The following EPCIP variants were observed in gnomAD, a reference collection of about 807,000 sequenced individuals.
EPCIP encodes the protein exosomal polycystin-1-interacting protein.
At chr21:32,805,752 C>A in the EPCIP span, among the ~76,000 whole-genome samples, 3 of 152,162 alleles carry the variant, frequency 2.0e-5, no homozygotes, top group Non-Finnish European at 4.4e-5. Flanking sequence ...CCTTGTGGAC[C>A]AAACCAGCCC....
chr21:32,795,204 C>A, the EPCIP span, among the ~76,000 whole-genome samples: 482 of 152,290 alleles, frequency 3.2e-3, 1 homozygote, highest in African/African-American at 0.011. Context: ...TTTGACTTAG[C>A]TACTCTTATG....
the EPCIP span, chr21:32,810,508 G>T: frequency 4.4e-5 from 20 of 453,264 alleles, no homozygotes; most frequent in Non-Finnish European, 8.0e-5. Flanking sequence ...TGATCCGCCC[G>T]CCTCGGCCTC....
the EPCIP span, chr21:32,799,054 C>A: frequency 1.3e-5 from 2 of 152,152 alleles, no homozygotes; most frequent in Admixed American, 6.5e-5. Context: ...ACTCCTGAGT[C>A]GTACACTCAG....
the EPCIP span, among the ~76,000 whole-genome samples, chr21:32,803,491 A>T: frequency 6.2e-4 from 95 of 152,110 alleles, 1 homozygote; most frequent in Non-Finnish European, 1.1e-3. Context: ...TGTTATGTGG[A>T]TGAGATGCCC....
the EPCIP span, among the ~76,000 whole-genome samples, chr21:32,805,483 T>G: frequency 1.1e-4 from 17 of 152,068 alleles, no homozygotes; most frequent in Admixed American, 5.9e-4. Flanking sequence ...TGCCTCAGCC[T>G]CCTGAATAGC....
chr21:32,808,131 C>T, the EPCIP span, among the ~76,000 whole-genome samples: 1 of 152,290 alleles, frequency 6.6e-6, no homozygotes, highest in East Asian at 1.9e-4. Context: ...TGAGAGATTA[C>T]AACAGCCCTT....
chr21:32,794,094 T>G, the EPCIP span: 2 of 1,614,072 alleles, frequency 1.2e-6, no homozygotes, highest in Non-Finnish European at 1.7e-6. Context: ...GGGAGAGTGT[T>G]GGTGCTGCAC....
chr21:32,798,014 T>C, the EPCIP span: 2 of 151,806 alleles, frequency 1.3e-5, no homozygotes, highest in East Asian at 3.9e-4. Context: ...CAAGAAAAAA[T>C]AAATAAATAA....
the EPCIP span, among the ~76,000 whole-genome samples, chr21:32,810,348 C>T: frequency 4.6e-4 from 65 of 142,514 alleles, 1 homozygote; most frequent in African/African-American, 1.6e-3. Flanking sequence ...CTCCGCCTCC[C>T]GGGTTCACGC....
At chr21:32,812,127 TGAGCCAC>T in the EPCIP span, among the ~76,000 whole-genome samples, 3 of 152,162 alleles carry the variant, frequency 2.0e-5, no homozygotes, top group African/African-American at 7.2e-5. Flanking sequence ...TCTCAGAGAG[TGAGCCAC>T]TGGGAAGTCC....
the EPCIP span, chr21:32,793,730 A>G: frequency 1.9e-6 from 3 of 1,606,124 alleles, no homozygotes; most frequent in South Asian, 1.1e-5. Context: ...ATCATTTGCC[A>G]AAGTTCCAGG....
At chr21:32,810,779 C>T in the EPCIP span, 1 of 411,690 alleles carries the variant, frequency 2.4e-6, no homozygotes, top group African/African-American at 2.0e-5. Flanking sequence ...TAGTAGACAT[C>T]TCCAACTTAA....
At chr21:32,805,819 C>T in the EPCIP span, among the ~76,000 whole-genome samples, 2 of 152,260 alleles carry the variant, frequency 1.3e-5, no homozygotes, top group Non-Finnish European at 2.9e-5. Context: ...TTATTCCTCT[C>T]ATTAGCCTGG....
chr21:32,805,567 G>A, the EPCIP span, among the ~76,000 whole-genome samples: 1 of 152,076 alleles, frequency 6.6e-6, no homozygotes, highest in East Asian at 1.9e-4. Flanking sequence ...TCACCATGTT[G>A]GCCAGGCTGG....
At chr21:32,801,383 A>G in the EPCIP span, among the ~76,000 whole-genome samples, 1 of 152,350 alleles carries the variant, frequency 6.6e-6, no homozygotes, top group Admixed American at 6.5e-5. Context: ...GAGGACATTT[A>G]TTGGATGCCA....
chr21:32,810,349 G>A, the EPCIP span, among the ~76,000 whole-genome samples: 2 of 143,146 alleles, frequency 1.4e-5, no homozygotes, highest in Admixed American at 7.5e-5. Context: ...TCCGCCTCCC[G>A]GGTTCACGCC....
chr21:32,804,455 C>T, the EPCIP span, among the ~76,000 whole-genome samples: 19 of 151,872 alleles, frequency 1.3e-4, no homozygotes, highest in African/African-American at 4.6e-4. Context: ...CTGAATAGTT[C>T]TGTAGTATTA....
the EPCIP span, chr21:32,791,364 G>A: frequency 2.5e-4 from 38 of 152,064 alleles, no homozygotes; most frequent in Non-Finnish European, 4.9e-4. Flanking sequence ...TTTATAGGAG[G>A]CATATACTTT....
chr21:32,807,950 A>G, the EPCIP span, among the ~76,000 whole-genome samples: 1 of 152,194 alleles, frequency 6.6e-6, no homozygotes, highest in Non-Finnish European at 1.5e-5. Flanking sequence ...CGTGAAATAC[A>G]CTTGGCTAGA....
Sources: gnomAD v4.1 joint callset for allele counts (sites outside exome capture counted in the v4.1 genomes callset) on GRCh38, gnomAD v4.1.1 for gene constraint, MANE v1.5 for transcripts, NCBI Gene and HGNC (gene_info 2026-07-23, HGNC 2026-07-21) for gene names.